WWOX: variants seen among roughly 807,000 people sequenced by gnomAD.
WWOX encodes the protein WW domain containing oxidoreductase.
Under a neutral mutation model 46.2 loss-of-function variants are expected in WWOX, and 69 were observed. The ratio of observed to expected loss-of-function variants is 1.49; its 90% CI spans 1.23 to 1.82. The LOEUF is 1.82. WWOX is among the 40% of genes most tolerant of loss of function. WWOX has a pLI of 0.00. For synonymous variants in WWOX, 359 were observed against 202.6 expected (o/e 1.77, Z -6.56); for missense variants, 919 against 542.6 (o/e 1.69, Z -6.89).
intron 8 of WWOX, among the ~76,000 whole-genome samples, chr16:78,773,695 G>C (rs138077187): frequency 1.3e-5 from 2 of 152,312 alleles, no homozygotes; most frequent in East Asian, 3.9e-4. Flanking sequence ...GGTGTGTCTG[G>C]AGTTGAAGTC....
intron 5 of WWOX, among the ~76,000 whole-genome samples, chr16:78,201,528 T>C (rs150967789): frequency 1.6e-4 from 24 of 152,260 alleles, no homozygotes; most frequent in African/African-American, 5.1e-4. Flanking sequence ...TTTATAGTTT[T>C]CTAAAACAAT....
Position 79,129,798 on chromosome 16 carries a change from C to G in WWOX, c.1057-81810C>G, listed in dbSNP as rs1008246962. ...ATTCAAAGACAGTCACAGTCCATCC[C>G]TCAAAGAGCTCATGGACCAGTCGAA... On this transcript the variant is annotated intron_variant, in intron 8 of 8. Coordinates refer to ENST00000566780, the MANE Select transcript of WWOX (RefSeq NM_016373.4). 3.3e-5 allele frequency among the ~76,000 whole-genome samples: 5 copies of G among 152,272 alleles called. No homozygotes were observed. The South Asian group carries it at 6.2e-4, about 19-fold the overall frequency.
intron 8 of WWOX, among the ~76,000 whole-genome samples, chr16:79,086,084 C>G (rs1223457578): frequency 1.4e-5 from 2 of 139,106 alleles, no homozygotes; most frequent in African/African-American, 2.7e-5. Flanking sequence ...AAAAAAAGAG[C>G]AGTATAGTCA....
intron 5 of WWOX, among the ~76,000 whole-genome samples, chr16:78,219,608 G>A (rs953138670): frequency 1.3e-5 from 2 of 151,942 alleles, no homozygotes; most frequent in East Asian, 1.9e-4. Context: ...TTTTTAACTC[G>A]GTGAGTCTCA....
chr16:78,406,883 C>T lies in WWOX; in HGVS notation c.606-17987C>T, dbSNP rs1232307485. Among the ~76,000 whole-genome samples the T allele has an allele frequency of 5.3e-5, 8 of 152,228 alleles. No homozygotes were observed. In the South Asian group the frequency reaches 1.5e-3, roughly 28 times the overall value. ...TCAAGTGATCCGCCCGCTTCAGCCTCCCAAAGTGCTGGGATTACAGGCGTC... is the reference window on the plus strand; with the variant it reads ...TCAAGTGATCCGCCCGCTTCAGCCTTCCAAAGTGCTGGGATTACAGGCGTC... On this transcript the variant is annotated intron_variant, in intron 6 of 8. Transcript: ENST00000566780.
chr16:78,896,391 A>C (rs956618794), intron 8 of WWOX: 3 of 152,186 alleles, frequency 2.0e-5, no homozygotes, highest in Non-Finnish European at 4.4e-5. Context: ...TGGTAATAAC[A>C]AAACCTGGGG....
intron 8 of WWOX, among the ~76,000 whole-genome samples, chr16:78,662,220 C>T (rs186984564): frequency 1.3e-5 from 2 of 152,168 alleles, no homozygotes; most frequent in East Asian, 3.9e-4. Flanking sequence ...GTTTGTATAA[C>T]CGAGGCCAGA....
At chr16:78,416,163 G>C (rs1020221949) in intron 6 of WWOX, among the ~76,000 whole-genome samples, 1 of 152,126 alleles carries the variant, frequency 6.6e-6, no homozygotes, top group Admixed American at 6.5e-5. Context: ...TTTTTGGAAG[G>C]ATACTATTTT....
At chr16:78,472,421 G>A (rs1010461512) in intron 8 of WWOX, among the ~76,000 whole-genome samples, 1 of 152,118 alleles carries the variant, frequency 6.6e-6, no homozygotes, top group African/African-American at 2.4e-5. Context: ...AGAAAATTTA[G>A]AATATAAATT....
At chr16:78,996,694 G>T (rs1225798225) in intron 8 of WWOX, among the ~76,000 whole-genome samples, 1 of 152,086 alleles carries the variant, frequency 6.6e-6, no homozygotes, top group African/African-American at 2.4e-5. Flanking sequence ...GGCAAATATG[G>T]CCAGGTACAG....
intron 5 of WWOX, chr16:78,166,654 G>A (rs771550210): frequency 8.6e-5 from 13 of 151,720 alleles, no homozygotes; most frequent in Non-Finnish European, 1.3e-4. Flanking sequence ...CACCTCCTGC[G>A]TTCAAGCAAT....
chr16:78,949,059 G>A (rs1036394275), intron 8 of WWOX, among the ~76,000 whole-genome samples: 3 of 152,162 alleles, frequency 2.0e-5, no homozygotes, highest in East Asian at 1.9e-4. Context: ...ACAGCCAGAA[G>A]GAAATAGGGA....
chr16:78,718,303 C>G (rs1207102232), intron 8 of WWOX, among the ~76,000 whole-genome samples: 2 of 151,740 alleles, frequency 1.3e-5, no homozygotes, highest in Non-Finnish European at 2.9e-5. Context: ...GAGGGATTCT[C>G]ACTGGATACC....
At chr16:79,098,076 A>G (rs2049113492) in intron 8 of WWOX, among the ~76,000 whole-genome samples, 1 of 152,140 alleles carries the variant, frequency 6.6e-6, no homozygotes, top group Non-Finnish European at 1.5e-5. Flanking sequence ...ATTCCTAGGT[A>G]CATCAAGTTT....
chr16:78,898,060 T>C (rs1286238413), intron 8 of WWOX: 1 of 152,138 alleles, frequency 6.6e-6, no homozygotes, highest in Admixed American at 6.5e-5. Context: ...TTTGGATACA[T>C]TCTTTTTTTT....
chr16:79,065,714 A>T (rs1189552285), intron 8 of WWOX, among the ~76,000 whole-genome samples: 1 of 152,132 alleles, frequency 6.6e-6, no homozygotes, highest in Admixed American at 6.5e-5. Context: ...AGGTGGTTTC[A>T]TTTCGGGAAA....
intron 8 of WWOX, among the ~76,000 whole-genome samples, chr16:78,888,792 G>T (rs2044522979): frequency 6.7e-6 from 1 of 148,366 alleles, no homozygotes. Context: ...TGTTGGTACA[G>T]TTCTAAGAGG....
intron 8 of WWOX, among the ~76,000 whole-genome samples, chr16:78,732,969 T>C (rs909263978): frequency 6.6e-6 from 1 of 152,190 alleles, no homozygotes; most frequent in African/African-American, 2.4e-5. Flanking sequence ...GGATGGCTCT[T>C]TATTTCCTTC....
chr16:78,833,597 G>C (rs905218388), intron 8 of WWOX, among the ~76,000 whole-genome samples: 1 of 152,118 alleles, frequency 6.6e-6, no homozygotes, highest in African/African-American at 2.4e-5. Context: ...ATAGTCTTTC[G>C]CTTGTTAATT....
Sources: gnomAD v4.1 joint callset for allele counts (sites outside exome capture counted in the v4.1 genomes callset) on GRCh38, gnomAD v4.1.1 for gene constraint, MANE v1.5 for transcripts, NCBI Gene and HGNC (gene_info 2026-07-23, HGNC 2026-07-21) for gene names.